The following BRINP1 variants were observed in gnomAD, a reference collection of about 807,000 sequenced individuals.
BRINP1 encodes BMP/retinoic acid inducible neural specific 1, also known as BMP/retinoic acid-inducible neural-specific protein 1.
Under a neutral mutation model 72.9 loss-of-function variants are expected in BRINP1, and 17 were observed. That is an observed-to-expected ratio of 0.23 (90% CI 0.16 to 0.35). BRINP1 has a LOEUF of 0.35. Ranked by LOEUF, BRINP1 falls within the 10% of genes least tolerant of loss-of-function variation. The probability of loss-of-function intolerance (pLI) is 1.00; values close to 1 mark genes in which losing one functional copy is unlikely to be tolerated. For missense variants in BRINP1, 850 were observed against 1,001.6 expected (o/e 0.85, Z 2.04); for synonymous variants, 418 against 378.5 (o/e 1.10, Z -1.21).
intron 7 of BRINP1, among the ~76,000 whole-genome samples, chr9:119,196,284 G>A (rs1829736901): frequency 6.6e-6 from 1 of 152,114 alleles, no homozygotes; most frequent in South Asian, 2.1e-4. Context: ...AGTAATCTAT[G>A]TTCAGAAAGT....
chr9:119,280,255 T>TC (rs1830696267), intron 2 of BRINP1, among the ~76,000 whole-genome samples: 1 of 151,866 alleles, frequency 6.6e-6, no homozygotes, highest in East Asian at 1.9e-4. Context: ...TCTTTTTTTT[T>TC]TAAGTTGGAG....
At chr9:119,364,122 A>C (rs895502126) in intron 1 of BRINP1, among the ~76,000 whole-genome samples, 1 of 151,178 alleles carries the variant, frequency 6.6e-6, no homozygotes, top group African/African-American at 2.4e-5. Context: ...CTCCAAGCAG[A>C]TGCTACAGAA....
intron 2 of BRINP1, among the ~76,000 whole-genome samples, chr9:119,297,198 G>A (rs1056206569): frequency 2.6e-5 from 4 of 152,118 alleles, no homozygotes; most frequent in Non-Finnish European, 5.9e-5. Flanking sequence ...GAAAAGAAAT[G>A]GATAGTATTT....
intron 2 of BRINP1, among the ~76,000 whole-genome samples, chr9:119,281,835 T>C (rs986601543): frequency 6.6e-6 from 1 of 152,220 alleles, no homozygotes; most frequent in Non-Finnish European, 1.5e-5. Context: ...TAGATTGTTT[T>C]CATTCTTTTT....
chr9:119,260,055 C>T (rs920741306), intron 2 of BRINP1, among the ~76,000 whole-genome samples: 1 of 152,186 alleles, frequency 6.6e-6, no homozygotes, highest in East Asian at 1.9e-4. Flanking sequence ...TATTCCCTGT[C>T]CCTGTTTGAA....
chr9:119,222,563 A>T (rs1440075699), intron 5 of BRINP1, among the ~76,000 whole-genome samples: 1 of 152,068 alleles, frequency 6.6e-6, no homozygotes, highest in African/African-American at 2.4e-5. Context: ...TCAAGCAAAG[A>T]TCAATAAGGC....
rs1482881392 is a variant in BRINP1, at chr9:119,168,038, G to T, written c.1332C>A (p.Ile444=). ...NSCAMCSLAN[I]SLCGSCNKGY... ...CCTTGTTGCAGGAGCCGCAGAGGGAGATGTTGGCCAGGCTGCACATGGCGC... is the reference window on the plus strand; with the variant it reads ...CCTTGTTGCAGGAGCCGCAGAGGGATATGTTGGCCAGGCTGCACATGGCGC... Residue 444 remains isoleucine, a synonymous_variant, in exon 8 of 8, where the codon ATC becomes ATA. Transcript: ENST00000265922. 6.2e-7 allele frequency: 1 copy of T among 1,612,460 alleles called. No homozygotes were observed. Among genetic ancestry groups the T allele is most frequent in the Non-Finnish European group, 8.5e-7 (1 of 1,178,856 alleles).
intron 5 of BRINP1, among the ~76,000 whole-genome samples, chr9:119,223,454 C>T (rs1830060945): frequency 6.6e-6 from 1 of 152,026 alleles, no homozygotes; most frequent in South Asian, 2.1e-4. Flanking sequence ...TATGTGGTCT[C>T]AGGTAGTCTC....
chr9:119,337,291 G>C (rs1831356499), intron 1 of BRINP1, among the ~76,000 whole-genome samples: 1 of 152,154 alleles, frequency 6.6e-6, no homozygotes, highest in South Asian at 2.1e-4. Flanking sequence ...GCCAGGTGTA[G>C]ACTTTAAAAA....
intron 1 of BRINP1, among the ~76,000 whole-genome samples, chr9:119,363,613 C>T (rs1831657663): frequency 6.6e-6 from 1 of 152,144 alleles, no homozygotes; most frequent in Admixed American, 6.5e-5. Flanking sequence ...AATTATCTTG[C>T]TTATCTATTT....
intron 7 of BRINP1, among the ~76,000 whole-genome samples, chr9:119,181,010 A>G (rs937996463): frequency 6.6e-6 from 1 of 152,182 alleles, no homozygotes; most frequent in South Asian, 2.1e-4. Context: ...AATTTTTGCA[A>G]TTACACAGTT....
At chr9:119,286,132 CTT>C (rs1475266874) in intron 2 of BRINP1, among the ~76,000 whole-genome samples, 1 of 152,140 alleles carries the variant, frequency 6.6e-6, no homozygotes, top group Non-Finnish European at 1.5e-5. Context: ...CTCCACCAAT[CTT>C]TGTCATTGCC....
At chr9:119,342,021 G>A (rs1434399228) in intron 1 of BRINP1, among the ~76,000 whole-genome samples, 4 of 152,018 alleles carry the variant, frequency 2.6e-5, no homozygotes, top group African/African-American at 9.7e-5. Context: ...GCCCCCCTCG[G>A]TCACCCAAAG....
At chr9:119,360,341 T>C (rs541756106) in intron 1 of BRINP1, among the ~76,000 whole-genome samples, 235 of 152,304 alleles carry the variant, frequency 1.5e-3, no homozygotes, top group Non-Finnish European at 2.5e-3. Flanking sequence ...GTTTTTGTCG[T>C]CCCAGCCCAG....
At chr9:119,329,334 C>G (rs985535152) in intron 1 of BRINP1, among the ~76,000 whole-genome samples, 31 of 152,194 alleles carry the variant, frequency 2.0e-4, no homozygotes, top group African/African-American at 7.5e-4. Flanking sequence ...TGTATAGAAA[C>G]TACCATGGTT....
At chr9:119,295,285 C>T (rs185121265) in intron 2 of BRINP1, among the ~76,000 whole-genome samples, 101 of 152,108 alleles carry the variant, frequency 6.6e-4, no homozygotes, top group Non-Finnish European at 1.2e-3. Flanking sequence ...CTCAAGCAAT[C>T]CATCCACCTC....
intron 2 of BRINP1, among the ~76,000 whole-genome samples, chr9:119,312,234 C>T (rs1042483705): frequency 6.6e-6 from 1 of 152,212 alleles, no homozygotes; most frequent in East Asian, 1.9e-4. Context: ...CCTAAGACCA[C>T]ACCTAACTAC....
At chr9:119,296,891 G>A (rs910987433) in intron 2 of BRINP1, among the ~76,000 whole-genome samples, 13 of 136,856 alleles carry the variant, frequency 9.5e-5, no homozygotes, top group African/African-American at 3.0e-4. Flanking sequence ...TGGTCAAAGG[G>A]TACGAACGAA....
Position 119,249,852 on chromosome 9 carries a change from AAGGGAGGG to A in BRINP1, c.219-710_219-703del, listed in dbSNP as rs1369670233. 7.6e-3 allele frequency among the ~76,000 whole-genome samples: 501 copies of A among 65,584 alleles called. 12 individuals are homozygous for A. Among genetic ancestry groups the A allele is most frequent in the East Asian group, 0.02 (41 of 2,054 alleles). 43.0% of individuals were successfully genotyped at this position (65,584 alleles called of 152,430 possible). On this transcript the variant is annotated intron_variant, in intron 2 of 7. Transcript: ENST00000265922. ...GAAGGAAGGAAGGAAGGAAGGAAGGAAGGGAGGGAGGGAGGGAGGGAGGGAAGGGAGGA... is the reference window on the plus strand; with the variant it reads ...GAAGGAAGGAAGGAAGGAAGGAAGGAAGGGAGGGAGGGAGGGAAGGGAGGA...
Sources: allele counts gnomAD v4.1 joint callset (sites outside exome capture counted in the v4.1 genomes callset), GRCh38; gene constraint gnomAD v4.1.1; transcripts MANE v1.5; gene names NCBI Gene and HGNC (gene_info 2026-07-23, HGNC 2026-07-21).